TTC7B: variants seen among roughly 807,000 people sequenced by gnomAD.
The protein encoded by TTC7B is tetratricopeptide repeat domain 7B.
A neutral mutation model predicts 106.8 loss-of-function variants in TTC7B; 28 were observed. That is an observed-to-expected ratio of 0.26 (90% CI 0.19 to 0.36). TTC7B has a LOEUF of 0.36. Among genes scored for constraint, TTC7B ranks in the 10% least tolerant of loss-of-function variants. TTC7B has a pLI of 1.00. For missense variants in TTC7B, 862 were observed against 1,076.4 expected, an observed-to-expected ratio of 0.80 and a Z score of 2.79; for synonymous variants, 405 against 430.6, an observed-to-expected ratio of 0.94 and a Z score of 0.74.
intron 18 of TTC7B, among the ~76,000 whole-genome samples, chr14:90,591,861 C>T (rs967007272): frequency 1.3e-5 from 2 of 152,190 alleles, no homozygotes; most frequent in Non-Finnish European, 2.9e-5. Flanking sequence ...GTGGAGGAGG[C>T]GTTACTGCTA....
intron 2 of TTC7B, among the ~76,000 whole-genome samples, chr14:90,785,158 C>T (rs949905330): frequency 6.6e-6 from 1 of 152,122 alleles, no homozygotes; most frequent in Non-Finnish European, 1.5e-5. Flanking sequence ...GTAACCTCCC[C>T]GGGGTCACAC....
Position 90,644,028 on chromosome 14 carries a change from C to A in TTC7B, c.1751+20G>T. On this transcript the variant is annotated intron_variant, in intron 15 of 19. Transcript: ENST00000328459. ...TAATAACTTCTGAGTAAGGGAAAAC[C>A]AAAGCCCAGGATCACTTACATGAAA... 2 of 1,613,916 alleles carry A rather than the reference C, an allele frequency of 1.2e-6. No homozygotes were observed. The highest frequency in any genetic ancestry group is 1.7e-6 in the Non-Finnish European group (2 of 1,179,922).
At chr14:90,683,209 G>A (rs1384490487) in intron 7 of TTC7B, among the ~76,000 whole-genome samples, 1 of 152,166 alleles carries the variant, frequency 6.6e-6, no homozygotes, top group African/African-American at 2.4e-5. Context: ...TTTAGGTGCA[G>A]GGAGGGCCTT....
At chr14:90,701,570 T>C (rs1321560891) in intron 5 of TTC7B, among the ~76,000 whole-genome samples, 3 of 151,548 alleles carry the variant, frequency 2.0e-5, no homozygotes, top group Admixed American at 2.0e-4. Context: ...TCCCCTCCAC[T>C]CCCCTAAGCT....
rs368813010 is a variant in TTC7B at position 90,610,219 on chromosome 14, C to T, written c.1966+523G>A. Among the ~76,000 whole-genome samples, 11 of 152,372 alleles carry T rather than the reference C, an allele frequency of 7.2e-5. No individual in the cohort carries two copies. In the South Asian group the frequency reaches 1.9e-3, roughly 26 times the overall value. ...CCTGTAGTTAGGTGGACTCACTCCC[C>T]TGTACTTAGGCAAATGTGGAACACA... On this transcript the variant is annotated intron_variant, in intron 17 of 19. Transcript: ENST00000328459.
intron 3 of TTC7B, among the ~76,000 whole-genome samples, chr14:90,756,353 T>C (rs1399420957): frequency 6.6e-6 from 1 of 150,916 alleles, no homozygotes; most frequent in African/African-American, 2.4e-5. Flanking sequence ...AAGAGAAAGA[T>C]GTTTTATTTT....
Position 90,805,993 on chromosome 14 carries a change from A to T in TTC7B, c.121+10182T>A, listed in dbSNP as rs1312541222. Among the ~76,000 whole-genome samples, 1 of 152,244 alleles carries T rather than the reference A, an allele frequency of 6.6e-6. No homozygotes were observed. The highest frequency in any genetic ancestry group is 1.5e-5 in the Non-Finnish European group (1 of 68,046). ...CAAAGATTTGATCAGATGAGAAAGA[A>T]AAAACTTAAGAGTTTCTTCTCTGTT... On this transcript the variant is annotated intron_variant, in intron 1 of 19. Coordinates refer to ENST00000328459, the MANE Select transcript of TTC7B (RefSeq NM_001010854.2). The surrounding 1 kb of genome is among the most constrained non-coding windows in gnomAD (Gnocchi z 4.0).
At chr14:90,769,790 A>T (rs997607946) in intron 3 of TTC7B, among the ~76,000 whole-genome samples, 6 of 152,158 alleles carry the variant, frequency 3.9e-5, no homozygotes, top group African/African-American at 1.4e-4. Flanking sequence ...ACAAAAAGAT[A>T]TTCATGCAAA....
chr14:90,557,703 G>A (rs1055030268), intron 19 of TTC7B, among the ~76,000 whole-genome samples: 10 of 152,216 alleles, frequency 6.6e-5, no homozygotes, highest in South Asian at 2.1e-4. Context: ...GCCTATGCTC[G>A]GGGGGAGAGG....
chr14:90,759,475 C>T lies in TTC7B; in HGVS notation c.446-14553G>A, dbSNP rs139881392. ...CCCAAAGAGATCCTAGAAGTAAGCACCCAAACCCTAAGAATAAAAACTACA... is the reference window on the plus strand; with the variant it reads ...CCCAAAGAGATCCTAGAAGTAAGCATCCAAACCCTAAGAATAAAAACTACA... On this transcript the variant is annotated intron_variant, in intron 3 of 19. Coordinates refer to ENST00000328459, the MANE Select transcript of TTC7B (RefSeq NM_001010854.2). The surrounding 1 kb of genome is among the most constrained non-coding windows in gnomAD (Gnocchi z 4.1). 7.3e-3 allele frequency among the ~76,000 whole-genome samples: 1,105 copies of T among 152,238 alleles called. 7 individuals are homozygous for T. The highest frequency in any genetic ancestry group is 0.011 in the Non-Finnish European group (731 of 67,998).
At chr14:90,766,410 A>T (rs1488096952) in intron 3 of TTC7B, 2 of 525,912 alleles carry the variant, frequency 3.8e-6, no homozygotes, top group Non-Finnish European at 6.8e-6. Flanking sequence ...AGATGTGGTG[A>T]AAGTCAAGAA....
In TTC7B at chr14:90,529,264, G is replaced by A. The variant is rs1258961431; in HGVS notation, c.*12104C>T. Reference sequence around the variant, plus strand: ...ATGGGGGCACCGTCTGGCAAGGTGAGCTTGTCAGGGAGAGGCCGTAGCCCT... The same window carrying A: ...ATGGGGGCACCGTCTGGCAAGGTGAACTTGTCAGGGAGAGGCCGTAGCCCT... On this transcript the variant is annotated 3_prime_UTR_variant, in exon 20 of 20. Transcript: ENST00000328459. The A allele has an allele frequency of 2.0e-5, 3 of 152,842 alleles. No individual in the cohort carries two copies. The highest frequency in any genetic ancestry group is 1.3e-4 in the Admixed American group (2 of 15,290). 9.5% of individuals were successfully genotyped at this position (152,842 alleles called of 1,614,324 possible).
At chr14:90,645,542 A>G (rs962649196) in intron 14 of TTC7B, among the ~76,000 whole-genome samples, 3 of 152,198 alleles carry the variant, frequency 2.0e-5, no homozygotes, top group Non-Finnish European at 4.4e-5. Flanking sequence ...GTGTTCTGAC[A>G]CTACATGCCC....
intron 1 of TTC7B, among the ~76,000 whole-genome samples, chr14:90,804,436 G>A (rs1371995527): frequency 6.6e-6 from 1 of 152,198 alleles, no homozygotes; most frequent in Non-Finnish European, 1.5e-5. Flanking sequence ...GGTGTGGAGA[G>A]GCCCCCAGGA....
At chr14:90,750,527 A>G (rs1485419981) in intron 3 of TTC7B, among the ~76,000 whole-genome samples, 1 of 152,196 alleles carries the variant, frequency 6.6e-6, no homozygotes, top group African/African-American at 2.4e-5. Flanking sequence ...TTGAAAACCA[A>G]TCATCTAGGG....
intron 3 of TTC7B, among the ~76,000 whole-genome samples, chr14:90,758,646 G>C (rs940191637): frequency 1.3e-5 from 2 of 152,238 alleles, no homozygotes; most frequent in African/African-American, 4.8e-5. Flanking sequence ...AGTCCTAGCT[G>C]ATGTGGCCCT....
intron 9 of TTC7B, among the ~76,000 whole-genome samples, chr14:90,671,365 T>C (rs900413613): frequency 6.6e-6 from 1 of 152,170 alleles, no homozygotes; most frequent in Admixed American, 6.5e-5. Flanking sequence ...ACAGGAAAGA[T>C]AAAAATACCA....
intron 7 of TTC7B, among the ~76,000 whole-genome samples, chr14:90,683,795 T>A (rs898119617): frequency 6.6e-6 from 1 of 152,188 alleles, no homozygotes; most frequent in African/African-American, 2.4e-5. Flanking sequence ...CAAGGTGGGC[T>A]GTGTACACCA....
intron 5 of TTC7B, among the ~76,000 whole-genome samples, chr14:90,728,180 G>T (rs1015881380): frequency 6.6e-6 from 1 of 152,008 alleles, no homozygotes; most frequent in East Asian, 1.9e-4. Flanking sequence ...AGCAGGGACT[G>T]CAGCTAACAG....
Sources: allele counts gnomAD v4.1 joint callset (sites outside exome capture counted in the v4.1 genomes callset), GRCh38; gene constraint gnomAD v4.1.1; non-coding constraint Gnocchi (gnomAD v3.1); transcripts MANE v1.5; gene names NCBI Gene and HGNC (gene_info 2026-07-23, HGNC 2026-07-21).